The following ACER3 variants were observed in gnomAD, a reference collection of about 807,000 sequenced individuals.
ACER3 encodes the protein alkaline ceramidase 3.
In ACER3, 16 loss-of-function variants were observed where a neutral mutation model predicts 48.9. The observed-to-expected ratio is 0.33, with a 90% CI of 0.22 to 0.50. ACER3 has a LOEUF of 0.50. Among genes scored for constraint, ACER3 ranks in the 20% least tolerant of loss-of-function variants. ACER3 has a pLI of 0.98. For missense variants in ACER3, 227 were observed against 326.0 expected (o/e 0.70, Z 2.34); for synonymous variants, 109 against 107.8 (o/e 1.01, Z -0.07).
intron 2 of ACER3, among the ~76,000 whole-genome samples, chr11:76,950,354 T>A (rs4367972): frequency 0.75 from 25,876 of 34,318 alleles, 8,734 homozygotes; most frequent in Non-Finnish European, 0.8. Flanking sequence ...GACATGATCA[T>A]ATATATATAT....
At position 77,023,534 on chromosome 11, in the gene ACER3, C is replaced by T. The variant is rs1231969992; in HGVS notation, c.*3207C>T. ...GCTAAATTTGAGTTTTAGCTACCAACGCCATGTTTACGTGACAAGAAATTG... is the reference window on the plus strand; with the variant it reads ...GCTAAATTTGAGTTTTAGCTACCAATGCCATGTTTACGTGACAAGAAATTG... On this transcript the variant is annotated 3_prime_UTR_variant, in exon 11 of 11. Transcript: ENST00000532485. 3.6e-5 allele frequency: 8 copies of T among 222,504 alleles called. No homozygotes were observed. The highest frequency in any genetic ancestry group is 3.7e-4 in the South Asian group (2 of 5,442). The allele number at this position is 222,504 out of a possible 1,614,324, so 13.8% of individuals were successfully genotyped here. A position where few individuals can be genotyped will look rare whatever the true frequency, so the allele number is the denominator to read the frequency against.
At chr11:76,934,137 G>A (rs1440430209) in intron 2 of ACER3, among the ~76,000 whole-genome samples, 1 of 151,740 alleles carries the variant, frequency 6.6e-6, no homozygotes, top group African/African-American at 2.4e-5. Context: ...GAGGGCGGCC[G>A]GGCAGAGACG....
At chr11:76,896,921 AG>A (rs1213857420) in intron 1 of ACER3, among the ~76,000 whole-genome samples, 1 of 147,362 alleles carries the variant, frequency 6.8e-6, no homozygotes, top group African/African-American at 2.7e-5. Flanking sequence ...TGTTGAAGGG[AG>A]TTTTTTGTTG....
chr11:76,982,470 C>T (rs992769596), intron 4 of ACER3, among the ~76,000 whole-genome samples: 2 of 152,126 alleles, frequency 1.3e-5, no homozygotes, highest in Non-Finnish European at 2.9e-5. Flanking sequence ...CTGCCTTGGC[C>T]TCCCAAAGTG....
chr11:76,870,496 A>G (rs1389589862), intron 1 of ACER3, among the ~76,000 whole-genome samples: 1 of 152,134 alleles, frequency 6.6e-6, no homozygotes, highest in South Asian at 2.1e-4. Context: ...GCTATTGTGA[A>G]TAATGCTCCT....
chr11:76,977,500 AT>A (rs1327045475), intron 4 of ACER3, among the ~76,000 whole-genome samples: 3 of 152,228 alleles, frequency 2.0e-5, no homozygotes, highest in Non-Finnish European at 2.9e-5. Context: ...TCCTTCACCC[AT>A]TACCCTGCAA....
intron 7 of ACER3, among the ~76,000 whole-genome samples, chr11:77,000,948 G>T (rs1477752234): frequency 6.6e-6 from 1 of 151,838 alleles, no homozygotes. Context: ...TTAAAATCTT[G>T]TTGAGATTTT....
chr11:76,952,667 T>TC (rs1947711856), intron 2 of ACER3, among the ~76,000 whole-genome samples: 1 of 111,078 alleles, frequency 9.0e-6, no homozygotes, highest in African/African-American at 3.3e-5. Flanking sequence ...ACGTAAGATT[T>TC]CTTTTTTTTT....
At chr11:76,882,003 C>CTTTTT (rs33962456) in intron 1 of ACER3, among the ~76,000 whole-genome samples, 1 of 110,056 alleles carries the variant, frequency 9.1e-6, no homozygotes, top group African/African-American at 3.1e-5. Context: ...TGTAAAAAAT[C>CTTTTT]TTTTTTTTTT....
chr11:77,016,786 A>G lies in ACER3; in HGVS notation c.704+7A>G. The G allele has an allele frequency of 6.6e-7, 1 of 1,510,298 alleles. No individual in the cohort carries two copies. The highest frequency in any genetic ancestry group is 9.1e-7 in the Non-Finnish European group (1 of 1,104,156). The allele number at this position is 1,510,298 out of a possible 1,614,324, so 93.6% of individuals were successfully genotyped here. A position where few individuals can be genotyped will look rare whatever the true frequency, so the allele number is the denominator to read the frequency against. ...ATCTTCACATCCTTTTCAGGTAGGA[A>G]ATAGAGACTTTTTTAGCCTCGTACT... On this transcript the variant is annotated splice_region_variant and intron_variant, in intron 9 of 10. Transcript: ENST00000532485.
At chr11:76,926,711 G>T in intron 2 of ACER3, 44 bp downstream of exon 2, 3 of 1,257,516 alleles carry the variant, frequency 2.4e-6, no homozygotes, top group Non-Finnish European at 1.1e-6. Flanking sequence ...GTATTCAAAT[G>T]GGCCATTTTT....
At chr11:76,975,322 A>C (rs1016392859) in intron 3 of ACER3, among the ~76,000 whole-genome samples, 1 of 152,190 alleles carries the variant, frequency 6.6e-6, no homozygotes, top group Admixed American at 6.5e-5. Context: ...GAATTAATTA[A>C]ATGTGTATCT....
intron 6 of ACER3, among the ~76,000 whole-genome samples, chr11:76,997,571 C>T (rs767348265): frequency 5.0e-4 from 76 of 152,292 alleles, no homozygotes; most frequent in Non-Finnish European, 9.7e-4. Context: ...CTCTTCATCT[C>T]ATCAGAAGAC....
intron 1 of ACER3, among the ~76,000 whole-genome samples, chr11:76,899,609 C>T (rs1946029919): frequency 6.6e-6 from 1 of 152,146 alleles, no homozygotes; most frequent in Non-Finnish European, 1.5e-5. Flanking sequence ...GACTATTAGG[C>T]TTATCTTAAA....
At chr11:76,920,338 AG>A (rs1395821613) in intron 1 of ACER3, among the ~76,000 whole-genome samples, 1 of 152,150 alleles carries the variant, frequency 6.6e-6, no homozygotes, top group Non-Finnish European at 1.5e-5. Flanking sequence ...AGTTCTGACA[AG>A]TTCTGAACAG....
rs1948562760 is a variant in ACER3, at chr11:76,980,574, G to C, written c.320+4233G>C. 2.6e-5 allele frequency among the ~76,000 whole-genome samples: 4 copies of C among 152,258 alleles called. No homozygotes were observed. In the South Asian group the frequency reaches 6.2e-4, roughly 24 times the overall value. ...CACCTCTGTCCCAGCTACACAGGAG[G>C]CTAAGGCAGAAGGACTGCCTGAGCC... On this transcript the variant is annotated intron_variant, in intron 4 of 10. Coordinates refer to ENST00000532485, the MANE Select transcript of ACER3 (RefSeq NM_018367.7).
At chr11:76,935,686 A>G (rs936302305) in intron 2 of ACER3, among the ~76,000 whole-genome samples, 1 of 152,206 alleles carries the variant, frequency 6.6e-6, no homozygotes, top group African/African-American at 2.4e-5. Context: ...ACCTACAAAT[A>G]CTCATTGAAT....
At chr11:76,949,707 T>C (rs892453694) in intron 2 of ACER3, among the ~76,000 whole-genome samples, 14 of 152,246 alleles carry the variant, frequency 9.2e-5, no homozygotes, top group African/African-American at 3.1e-4. Context: ...TCAGAAAATA[T>C]GTACTTTCTG....
intron 3 of ACER3, among the ~76,000 whole-genome samples, chr11:76,960,905 G>T (rs554329282): frequency 6.6e-6 from 1 of 152,314 alleles, no homozygotes; most frequent in South Asian, 2.1e-4. Context: ...GGGATGGAGA[G>T]AGTGCCACAT....
Sources: allele counts gnomAD v4.1 joint callset (sites outside exome capture counted in the v4.1 genomes callset), GRCh38; gene constraint gnomAD v4.1.1; transcripts MANE v1.5; gene names NCBI Gene and HGNC (gene_info 2026-07-23, HGNC 2026-07-21).